Variants in F13A1 observed in about 807,000 individuals in gnomAD.
F13A1 encodes the protein FSF, A subunit.
Under a neutral mutation model 80.1 loss-of-function variants are expected in F13A1, and 47 were observed. That is an observed-to-expected ratio of 0.59 (90% CI 0.46 to 0.75). The LOEUF (loss-of-function observed/expected upper bound fraction) is 0.75. F13A1 is among the 30% of genes least tolerant of loss of function. F13A1 has a pLI of 0.00. For missense variants in F13A1, 817 were observed against 930.4 expected (o/e 0.88, Z 1.59); for synonymous variants, 349 against 344.9 (o/e 1.01, Z -0.13).
intron 13 of F13A1, among the ~76,000 whole-genome samples, chr6:6,152,228 G>A (rs1760391811): frequency 1.3e-5 from 2 of 152,176 alleles, no homozygotes; most frequent in South Asian, 4.1e-4. Flanking sequence ...TTTGACAGCA[G>A]GAGGGGGAAG....
At chr6:6,170,346 A>G (rs898584128) in intron 12 of F13A1, among the ~76,000 whole-genome samples, 4 of 152,034 alleles carry the variant, frequency 2.6e-5, no homozygotes, top group African/African-American at 9.7e-5. Flanking sequence ...CTGAGGTAGA[A>G]CACTCCCTAA....
Position 6,313,984 on chromosome 6 carries a change from C to CACT in F13A1, c.130+4550_130+4551insAGT, listed in dbSNP as rs374113663. On this transcript the variant is annotated intron_variant, in intron 2 of 14. Coordinates refer to ENST00000264870, the MANE Select transcript of F13A1 (RefSeq NM_000129.4). ...TCTCCTGTTCTCCATTTTCTCCTTA[C>CACT]TCTTTTTTTTTTTTGAAACGGAGTC... is the stretch of plus-strand genomic sequence containing the variant. Among the ~76,000 whole-genome samples the CACT allele has an allele frequency of 1.0e-3, 142 of 139,352 alleles. 8 individuals carry two copies. The highest frequency in any genetic ancestry group is 3.7e-3 in the African/African-American group (133 of 36,406). 91.4% of individuals were successfully genotyped at this position (139,352 alleles called of 152,430 possible).
rs570334822 is a variant in F13A1, at chr6:6,187,130, A to G, written c.1306-4989T>C. Among the ~76,000 whole-genome samples, 1,231 of 126,346 alleles carry G rather than the reference A, an allele frequency of 9.7e-3. 44 individuals carry two copies. Among genetic ancestry groups the G allele is most frequent in the African/African-American group, 0.037 (1,157 of 31,194 alleles). 82.9% of individuals were successfully genotyped at this position (126,346 alleles called of 152,430 possible). A position where few individuals can be genotyped will look rare whatever the true frequency, so the allele number is the denominator to read the frequency against. On this transcript the variant is annotated intron_variant, in intron 10 of 14. Coordinates refer to ENST00000264870, the MANE Select transcript of F13A1 (RefSeq NM_000129.4). Reference sequence around the variant, plus strand: ...CAGCTTAAGGAGCTTTTGGGCTGAGACAATGGGGTTTTCTAGATATACAAT... The same window carrying G: ...CAGCTTAAGGAGCTTTTGGGCTGAGGCAATGGGGTTTTCTAGATATACAAT...
intron 2 of F13A1, among the ~76,000 whole-genome samples, chr6:6,309,692 T>C (rs1010482730): frequency 1.2e-4 from 19 of 152,102 alleles, no homozygotes; most frequent in Non-Finnish European, 1.5e-5. Flanking sequence ...TAGATTTATA[T>C]ATATATTGAA....
At chr6:6,316,464 A>AT (rs942505533) in intron 2 of F13A1, among the ~76,000 whole-genome samples, 2 of 151,902 alleles carry the variant, frequency 1.3e-5, no homozygotes, top group Admixed American at 6.6e-5. Context: ...ATAATGACTG[A>AT]TTTTTTCAGA....
At position 6,288,696 on chromosome 6, in the gene F13A1, T is replaced by C. The variant is rs1400413557; in HGVS notation, c.319+16655A>G. On this transcript the variant is annotated intron_variant, in intron 3 of 14. Transcript: ENST00000264870. Reference sequence around the variant, plus strand: ...CAGAAGTGGGATTGCTGAATCACGTTAGTTCTATTGCTAGTTTTGTGAGGA... The same window carrying C: ...CAGAAGTGGGATTGCTGAATCACGTCAGTTCTATTGCTAGTTTTGTGAGGA... Among the ~76,000 whole-genome samples the C allele has an allele frequency of 2.0e-5, 3 of 152,244 alleles. No homozygotes were observed. In the East Asian group the frequency reaches 5.8e-4, roughly 29 times the overall value.
intron 14 of F13A1, among the ~76,000 whole-genome samples, chr6:6,147,596 C>T (rs1760307588): frequency 6.6e-6 from 1 of 152,164 alleles, no homozygotes; most frequent in African/African-American, 2.4e-5. Context: ...TCTGGTTCCC[C>T]CAAGTGATCA....
At chr6:6,180,849 CTG>C (rs747685056) in intron 11 of F13A1, among the ~76,000 whole-genome samples, 3 of 152,230 alleles carry the variant, frequency 2.0e-5, no homozygotes, top group Non-Finnish European at 4.4e-5. Flanking sequence ...AGCAGGGAGA[CTG>C]TCTAAACTAT....
chr6:6,195,078 G>A (rs542847380), intron 10 of F13A1, among the ~76,000 whole-genome samples: 32 of 152,272 alleles, frequency 2.1e-4, no homozygotes, highest in African/African-American at 3.6e-4. Flanking sequence ...TTCCTAGGCC[G>A]GCAGCCCAGC....
In F13A1 at chr6:6,277,795, G is replaced by A. The variant is rs115748596; in HGVS notation, c.320-10986C>T. 6.0e-3 allele frequency among the ~76,000 whole-genome samples: 917 copies of A among 152,292 alleles called. 11 individuals carry two copies. Among genetic ancestry groups the A allele is most frequent in the African/African-American group, 0.021 (869 of 41,554 alleles). On this transcript the variant is annotated intron_variant, in intron 3 of 14. Transcript: ENST00000264870. ...TAAATGTTAAGTCTCACCCCAAAGCGAACATGGGTCACACATAACATGCAT... is the reference window on the plus strand; with the variant it reads ...TAAATGTTAAGTCTCACCCCAAAGCAAACATGGGTCACACATAACATGCAT...
intron 1 of F13A1, 23 bp downstream of exon 1, chr6:6,320,564 A>G: frequency 2.2e-6 from 1 of 449,052 alleles, no homozygotes; most frequent in South Asian, 1.6e-5. Context: ...CCTGGCTCAT[A>G]GGGTGCAGGG....
intron 6 of F13A1, among the ~76,000 whole-genome samples, chr6:6,239,800 T>C (rs910776178): frequency 1.3e-4 from 19 of 150,260 alleles, no homozygotes; most frequent in African/African-American, 4.7e-4. Flanking sequence ...AGAGCTGGTA[T>C]AGAACAGGCC....
At chr6:6,229,397 C>T (rs1757320019) in intron 6 of F13A1, among the ~76,000 whole-genome samples, 1 of 151,954 alleles carries the variant, frequency 6.6e-6, no homozygotes, top group Admixed American at 6.6e-5. Flanking sequence ...AAACAGAATA[C>T]ATATTATTAA....
At chr6:6,185,490 A>T (rs570974486) in intron 10 of F13A1, among the ~76,000 whole-genome samples, 2 of 150,532 alleles carry the variant, frequency 1.3e-5, no homozygotes, top group Admixed American at 6.7e-5. Flanking sequence ...TTGGTTCTTG[A>T]GATAGTTTAC....
chr6:6,266,746 C>A lies in F13A1; in HGVS notation c.383G>T (p.Ser128Ile). ...IPVPIVSELQ[S>I]GKWGAKIVMR... is the part of the protein sequence containing the mutation. The stretch of plus-strand genomic sequence containing the variant: ...GACAATCTTGGCCCCCCACTTTCCA[C>A]TTTGTAACTCTGAGACTATAGGCAC... Residue 128 changes from serine (S) to isoleucine (I), a missense_variant, in exon 4 of 15, where the codon AGT becomes ATT. Ser to Ile is a moderately radical substitution (Grantham distance 142). Coordinates refer to ENST00000264870, the MANE Select transcript of F13A1 (RefSeq NM_000129.4). 6.2e-7 allele frequency: 1 copy of A among 1,614,204 alleles called. No individual in the cohort carries two copies. Among genetic ancestry groups the A allele is most frequent in the Non-Finnish European group, 8.5e-7 (1 of 1,180,028 alleles).
intron 3 of F13A1, among the ~76,000 whole-genome samples, chr6:6,281,344 T>C (rs1370883601): frequency 6.6e-6 from 1 of 152,166 alleles, no homozygotes; most frequent in Non-Finnish European, 1.5e-5. Context: ...TTTTACAGTC[T>C]CAATGTAATT....
chr6:6,234,175 C>T (rs6904961), intron 6 of F13A1, among the ~76,000 whole-genome samples: 25,438 of 151,880 alleles, frequency 0.17, 2,633 homozygotes, highest in African/African-American at 0.26. Context: ...TGTTTGCTGA[C>T]GATATGATTG....
chr6:6,239,085 A>C (rs937738445), intron 6 of F13A1, among the ~76,000 whole-genome samples: 1 of 152,216 alleles, frequency 6.6e-6, no homozygotes, highest in African/African-American at 2.4e-5. Context: ...TAATAGCTTC[A>C]CATTGGAAAC....
intron 3 of F13A1, among the ~76,000 whole-genome samples, chr6:6,285,715 C>A (rs113222616): frequency 6.6e-6 from 1 of 152,182 alleles, no homozygotes; most frequent in South Asian, 2.1e-4. Flanking sequence ...TGGCAGGCGA[C>A]CATCAGGTGA....
Sources: allele counts gnomAD v4.1 joint callset (sites outside exome capture counted in the v4.1 genomes callset), GRCh38; gene constraint gnomAD v4.1.1; transcripts MANE v1.5; gene names NCBI Gene and HGNC (gene_info 2026-07-23, HGNC 2026-07-21).